The following ZNF407 variants were observed in gnomAD, a reference collection of about 807,000 sequenced individuals.
The protein encoded by ZNF407 is zinc finger protein 407.
In ZNF407, 17 loss-of-function variants were observed where a neutral mutation model predicts 131.2. The observed-to-expected ratio is 0.13, with a 90% CI of 0.09 to 0.19. The LOEUF is 0.19. Among genes scored for constraint, ZNF407 ranks in the 10% least tolerant of loss-of-function variants. ZNF407 has a pLI of 1.00. For synonymous variants in ZNF407, 1,156 were observed against 1,062.0 expected (o/e 1.09, Z -1.72); for missense variants, 2,681 against 2,830.6 (o/e 0.95, Z 1.20).
At chr18:74,834,558 G>A (rs1464356344) in intron 4 of ZNF407, among the ~76,000 whole-genome samples, 1 of 152,164 alleles carries the variant, frequency 6.6e-6, no homozygotes, top group Non-Finnish European at 1.5e-5. Context: ...GCCCCCTTCA[G>A]AAGGTCTTTC....
chr18:74,907,639 T>C (rs181154106), intron 7 of ZNF407, among the ~76,000 whole-genome samples: 12 of 152,230 alleles, frequency 7.9e-5, no homozygotes, highest in African/African-American at 2.9e-4. Context: ...CTCAATGGTA[T>C]AGAATTCCCT....
intron 3 of ZNF407, among the ~76,000 whole-genome samples, chr18:74,734,697 G>GTGTC (rs1968372297): frequency 6.8e-6 from 1 of 147,048 alleles, no homozygotes; most frequent in Non-Finnish European, 1.5e-5. Context: ...GTGTGTGTGT[G>GTGTC]TGTGTGTGTG....
intron 8 of ZNF407, among the ~76,000 whole-genome samples, chr18:74,933,042 A>G (rs554713835): frequency 4.6e-5 from 7 of 152,296 alleles, no homozygotes; most frequent in East Asian, 3.9e-4. Context: ...CCACTTTGGG[A>G]TAGATATCCC....
chr18:74,814,409 G>C (rs975430388), intron 4 of ZNF407, among the ~76,000 whole-genome samples: 1 of 152,184 alleles, frequency 6.6e-6, no homozygotes, highest in African/African-American at 2.4e-5. Context: ...ACAGGCATTA[G>C]TCACCGCTCC....
chr18:74,708,460 T>G (rs1249577441), intron 3 of ZNF407, among the ~76,000 whole-genome samples: 2 of 152,234 alleles, frequency 1.3e-5, no homozygotes, highest in Non-Finnish European at 2.9e-5. Flanking sequence ...TATTTATAAC[T>G]TCATTCTGAC....
intron 1 of ZNF407, 61 bp from the exon 2 acceptor site, chr18:74,630,906 T>A (rs1984026453): frequency 1.6e-6 from 2 of 1,288,478 alleles, no homozygotes; most frequent in Admixed American, 2.9e-5. Flanking sequence ...TTCATCTAGT[T>A]TTAGACTAAT....
chr18:75,037,116 A>C (rs1973318119), intron 8 of ZNF407, among the ~76,000 whole-genome samples: 1 of 152,230 alleles, frequency 6.6e-6, no homozygotes, highest in African/African-American at 2.4e-5. Context: ...CCAGCTTGTC[A>C]GTTTAAAGAT....
At chr18:75,007,016 A>G (rs907498981) in intron 8 of ZNF407, among the ~76,000 whole-genome samples, 3 of 152,072 alleles carry the variant, frequency 2.0e-5, no homozygotes, top group Non-Finnish European at 4.4e-5. Flanking sequence ...ATTAGTAGTC[A>G]CATGATGCCT....
chr18:75,033,171 G>T (rs966795890), intron 8 of ZNF407, among the ~76,000 whole-genome samples: 73 of 130,360 alleles, frequency 5.6e-4, no homozygotes, highest in African/African-American at 2.0e-3. Context: ...TGCTCAGAAT[G>T]GGGGGAAGAC....
chr18:75,002,760 G>T (rs886197855), intron 8 of ZNF407, among the ~76,000 whole-genome samples: 1 of 148,890 alleles, frequency 6.7e-6, no homozygotes, highest in Non-Finnish European at 1.5e-5. Context: ...AGCCGAGATC[G>T]CGCCACTGCA....
intron 8 of ZNF407, among the ~76,000 whole-genome samples, chr18:74,936,173 A>G (rs1379973433): frequency 1.3e-5 from 2 of 152,222 alleles, no homozygotes; most frequent in African/African-American, 4.8e-5. Flanking sequence ...ATTTTTAAAT[A>G]TCTTTTTTAC....
chr18:75,063,336 A>T lies in ZNF407; in HGVS notation c.5615A>T (p.Tyr1872Phe). 6.2e-7 allele frequency: 1 copy of T among 1,613,204 alleles called. No individual in the cohort carries two copies. The highest frequency in any genetic ancestry group is 1.7e-5 in the Admixed American group (1 of 60,006). ...CAGCAGGTCATCATCTTCCAGGGCT[A>T]CGACGGGGAGTTTGCCCTGGACCCC... ...QVQQVIIFQGYDGEFALDPSV... is the reference protein window; with the variant it reads ...QVQQVIIFQGFDGEFALDPSV... The change falls in exon 9 of 9, where the codon TAC becomes TTC. Residue 1872 changes from tyrosine to phenylalanine, a missense_variant. Around this residue, in one of 6 missense-constraint regions of ZNF407, gnomAD observed 620 missense variants for 583.1 expected, o/e 1.06. Transcript: ENST00000299687. This position sits in a 1 kb window ranked among gnomAD's most constrained non-coding sequence, Gnocchi z 6.6.
In ZNF407 at chr18:74,622,944, ATC is replaced by A. The variant is rs550029840; in HGVS notation, c.-53-8021_-53-8020del. Among the ~76,000 whole-genome samples, 236 of 151,780 alleles carry A rather than the reference ATC, an allele frequency of 1.6e-3. 1 individual carries two copies. Among genetic ancestry groups the A allele is most frequent in the Admixed American group, 0.014 (207 of 15,244 alleles). The stretch of plus-strand genomic sequence containing the variant: ...AGTATCTGTGAATGTGTGTGTATAT[ATC>A]TGTGTGTCAGTGTATCTGAGTGCGT... On this transcript the variant is annotated intron_variant, in intron 1 of 8. Coordinates refer to ENST00000299687, the MANE Select transcript of ZNF407 (RefSeq NM_017757.3).
At chr18:74,780,546 C>T (rs1477796137) in intron 3 of ZNF407, among the ~76,000 whole-genome samples, 1 of 152,090 alleles carries the variant, frequency 6.6e-6, no homozygotes, top group African/African-American at 2.4e-5. Context: ...GATGCTGTTG[C>T]CTTTCAGCTA....
chr18:74,707,639 C>T (rs533007806), intron 3 of ZNF407, among the ~76,000 whole-genome samples: 1 of 152,302 alleles, frequency 6.6e-6, no homozygotes, highest in East Asian at 1.9e-4. Flanking sequence ...GTGTTCATTA[C>T]TTTCTTTAGA....
intron 7 of ZNF407, among the ~76,000 whole-genome samples, chr18:74,911,633 A>T (rs1049538933): frequency 9.2e-5 from 14 of 152,176 alleles, no homozygotes; most frequent in Non-Finnish European, 1.6e-4. Context: ...ACCGCACTCA[A>T]TTCAATTTTC....
chr18:74,675,987 A>G (rs1235436796), intron 3 of ZNF407, among the ~76,000 whole-genome samples: 3 of 152,178 alleles, frequency 2.0e-5, no homozygotes, highest in African/African-American at 7.2e-5. Context: ...AAAATATATT[A>G]TGCTTCTGCA....
At chr18:74,716,721 TAATC>T (rs1358730994) in intron 3 of ZNF407, among the ~76,000 whole-genome samples, 1 of 152,172 alleles carries the variant, frequency 6.6e-6, no homozygotes, top group African/African-American at 2.4e-5. Flanking sequence ...TGGTTCGAAA[TAATC>T]AACAATAAAT....
At chr18:74,811,850 A>ACC (rs1970200675) in intron 4 of ZNF407, among the ~76,000 whole-genome samples, 2 of 147,952 alleles carry the variant, frequency 1.4e-5, no homozygotes, top group South Asian at 4.3e-4. Flanking sequence ...CAGGAAGGGG[A>ACC]ACATCACACT....
Sources: gnomAD v4.1 joint callset for allele counts (sites outside exome capture counted in the v4.1 genomes callset) on GRCh38, gnomAD v4.1.1 for gene constraint, gnomAD v4.1.1 regional missense constraint, Gnocchi (gnomAD v3.1) non-coding constraint, MANE v1.5 for transcripts, NCBI Gene and HGNC (gene_info 2026-07-23, HGNC 2026-07-21) for gene names.